The following TDRD15 variants were observed in gnomAD, a reference collection of about 807,000 sequenced individuals.
TDRD15 encodes tudor domain containing 15, also known as tudor domain-containing protein 15.
For missense variants in TDRD15, 1,416 were observed against 904.7 expected (o/e 1.57, Z -7.25); for synonymous variants, 503 against 314.5 (o/e 1.60, Z -6.34).
chr2:21,129,355 T>A (rs1665675978), intron 2 of TDRD15, among the ~76,000 whole-genome samples: 1 of 152,236 alleles, frequency 6.6e-6, no homozygotes, highest in African/African-American at 2.4e-5. Context: ...CTAATTTGTC[T>A]ACATTCTTGC....
Position 21,143,291 on chromosome 2 carries a change from T to C in TDRD15, c.*19T>C. On this transcript the variant is annotated 3_prime_UTR_variant, in exon 4 of 4. Transcript: ENST00000405799. ...AATATAAATTACAAAGTAAGCCTAT[T>C]TTCCCATTGTTAGATCAAAATTGTT... 1 of 535,220 alleles carries C rather than the reference T, an allele frequency of 1.9e-6. No individual in the cohort carries two copies. The highest frequency in any genetic ancestry group is 3.0e-5 in the South Asian group (1 of 33,010). 33.2% of individuals were successfully genotyped at this position (535,220 alleles called of 1,614,324 possible).
chr2:21,142,627 A>C lies in TDRD15; in HGVS notation c.5160A>C (p.Thr1720=), dbSNP rs1197269628. The change falls in exon 4 of 4, where the codon ACA becomes ACC. Residue 1720 remains threonine (T), a synonymous_variant. Coordinates refer to ENST00000405799, the MANE Select transcript of TDRD15 (RefSeq NM_001306137.2). ...IESKTPVSSC[T]IKSFTWVQFQ... is the part of the protein sequence containing the mutation. The stretch of plus-strand genomic sequence containing the variant: ...CTAAGACTCCTGTATCATCATGCAC[A>C]ATAAAATCATTTACTTGGGTTCAAT... 7.0e-6 allele frequency: 5 copies of C among 712,706 alleles called. No homozygotes were observed. In the South Asian group the frequency reaches 7.5e-5, roughly 11 times the overall value. The allele number at this position is 712,706 out of a possible 1,614,324, so 44.1% of individuals were successfully genotyped here.
rs1665893534 is a variant in TDRD15 at position 21,140,225 on chromosome 2, C to T, written c.2758C>T (p.Gln920Ter). Residue 920 changes from glutamine (Q) to a stop codon, truncating the protein, a stop_gained, in exon 4 of 4, where the codon CAG (glutamine) becomes TAG (stop). Coordinates refer to ENST00000405799, the MANE Select transcript of TDRD15 (RefSeq NM_001306137.2). LOFTEE classifies it low-confidence loss of function (END_TRUNC). ...PNHLYNLVDLQSSFTSAKEFL... is the reference protein window; with the variant it reads ...PNHLYNLVDL ...CCATTTATATAACTTAGTGGATTTACAGTCCTCATTTACTAGTGCAAAAGA... is the reference window on the plus strand; with the variant it reads ...CCATTTATATAACTTAGTGGATTTATAGTCCTCATTTACTAGTGCAAAAGA... 1.4e-6 allele frequency: 1 copy of T among 715,250 alleles called. No individual in the cohort carries two copies. The highest frequency in any genetic ancestry group is 1.8e-5 in the African/African-American group (1 of 57,118). The allele number at this position is 715,250 out of a possible 1,614,324, so 44.3% of individuals were successfully genotyped here. A position where few individuals can be genotyped will look rare whatever the true frequency, so the allele number is the denominator to read the frequency against.
At chr2:21,145,651 G>A (rs945559161), downstream of TDRD15, among the ~76,000 whole-genome samples, 9 of 151,842 alleles carry the variant, frequency 5.9e-5, no homozygotes, top group African/African-American at 1.7e-4. Context: ...ATGGTTTCAC[G>A]GATTAGTAAT....
In TDRD15 at chr2:21,142,900, T is replaced by G; in HGVS notation, c.5433T>G (p.Cys1811Trp). The G allele has an allele frequency of 1.4e-6, 1 of 701,012 alleles. No individual in the cohort carries two copies. The highest frequency in any genetic ancestry group is 2.7e-5 in the East Asian group (1 of 37,136). 43.4% of individuals were successfully genotyped at this position (701,012 alleles called of 1,614,324 possible). Residue 1811 changes from cysteine (C) to tryptophan (W), a missense_variant, in exon 4 of 4, where the codon TGT (cysteine) becomes TGG (tryptophan). Coordinates refer to ENST00000405799, the MANE Select transcript of TDRD15 (RefSeq NM_001306137.2). ...EISEVSPQSL[C>W]LVLVDYGFSF... ...CTGAAGTCTCACCTCAGTCTTTATG[T>G]CTTGTGTTGGTTGACTATGGATTTT...
chr2:21,140,358 G>A lies in TDRD15; in HGVS notation c.2891G>A (p.Gly964Glu), dbSNP rs1180177288. 1.4e-6 allele frequency: 1 copy of A among 705,588 alleles called. No homozygotes were observed. The highest frequency in any genetic ancestry group is 2.6e-6 in the Non-Finnish European group (1 of 381,066). The allele number at this position is 705,588 out of a possible 1,614,324, so 43.7% of individuals were successfully genotyped here. ...TATTCTTCCTTTAATATACAAATTG[G>A]AAGTGAAGAAGAAGTATATATATCT... ...YCYSSFNIQI[G>E]SEEEVYISHI... Residue 964 changes from glycine to glutamate, a missense_variant, in exon 4 of 4, where the codon GGA (glycine) becomes GAA (glutamate). Physicochemically the swap from Gly to Glu is moderately conservative, Grantham distance 98. Coordinates refer to ENST00000405799, the MANE Select transcript of TDRD15 (RefSeq NM_001306137.2).
rs1277033338 is a variant in TDRD15, at chr2:21,142,209, G to T, written c.4742G>T (p.Cys1581Phe). The change falls in exon 4 of 4, where the codon TGC (cysteine) becomes TTC (phenylalanine). Residue 1581 changes from cysteine to phenylalanine, a missense_variant. Transcript: ENST00000405799. ...SMESIEKGLE[C>F]LAKSKNTLKW... is the part of the protein sequence containing the mutation. The stretch of plus-strand genomic sequence containing the variant: ...GAAAGTATTGAAAAAGGTTTAGAAT[G>T]CTTGGCAAAATCTAAAAATACCTTG... 2.9e-6 allele frequency: 2 copies of T among 691,410 alleles called. No homozygotes were observed. Among genetic ancestry groups the T allele is most frequent in the Non-Finnish European group, 2.6e-6 (1 of 377,796 alleles). The allele number at this position is 691,410 out of a possible 1,614,324, so 42.8% of individuals were successfully genotyped here.
rs1036490038 is a variant in TDRD15 at position 21,137,865 on chromosome 2, G to A, written c.398G>A (p.Gly133Glu). ...ATTTTTGCGAATATACTACCAGTTG[G>A]GGAAAAATGGTCCCCTAAAGCTTTG... ...FGIFANILPVGEKWSPKALNY... is the reference protein window; with the variant it reads ...FGIFANILPVEEKWSPKALNY... The change falls in exon 4 of 4, where the codon GGG becomes GAG. Residue 133 changes from glycine to glutamate, a missense_variant. Physicochemically the swap from Gly to Glu is moderately conservative, Grantham distance 98. Coordinates refer to ENST00000405799, the MANE Select transcript of TDRD15 (RefSeq NM_001306137.2). 2.8e-6 allele frequency: 2 copies of A among 715,304 alleles called. No homozygotes were observed. The highest frequency in any genetic ancestry group is 5.2e-6 in the Non-Finnish European group (2 of 384,132). 44.3% of individuals were successfully genotyped at this position (715,304 alleles called of 1,614,324 possible). A position where few individuals can be genotyped will look rare whatever the true frequency, so the allele number is the denominator to read the frequency against.
At position 21,142,367 on chromosome 2, in the gene TDRD15, C is replaced by T. The variant is rs774953560; in HGVS notation, c.4900C>T (p.Pro1634Ser). 2 of 695,960 alleles carry T rather than the reference C, an allele frequency of 2.9e-6. No homozygotes were observed. The highest frequency in any genetic ancestry group is 2.7e-5 in the East Asian group (1 of 37,066). The allele number at this position is 695,960 out of a possible 1,614,324, so 43.1% of individuals were successfully genotyped here. Reference protein sequence around the residue: ...KLLSNEIRNIPRQAVPCKWIW... With the variant: ...KLLSNEIRNISRQAVPCKWIW... ...GCTTAGTAATGAAATAAGAAACATT[C>T]CTAGACAAGCTGTACCTTGTAAATG... Residue 1634 changes from proline to serine, a missense_variant, in exon 4 of 4, where the codon CCT becomes TCT. By Grantham distance (74) the Pro-to-Ser change is moderately conservative. Transcript: ENST00000405799.
Position 21,140,233 on chromosome 2 carries a change from A to C in TDRD15, c.2766A>C (p.Ser922=). The C allele has an allele frequency of 1.4e-6, 1 of 715,446 alleles. No individual in the cohort carries two copies. Among genetic ancestry groups the C allele is most frequent in the Non-Finnish European group, 2.6e-6 (1 of 383,806 alleles). 44.3% of individuals were successfully genotyped at this position (715,446 alleles called of 1,614,324 possible). ...HLYNLVDLQS[S]FTSAKEFLMN... Reference sequence around the variant, plus strand: ...ATAACTTAGTGGATTTACAGTCCTCATTTACTAGTGCAAAAGAATTTCTTA... The same window carrying C: ...ATAACTTAGTGGATTTACAGTCCTCCTTTACTAGTGCAAAAGAATTTCTTA... The change falls in exon 4 of 4, where the codon TCA becomes TCC. Residue 922 remains serine, a synonymous_variant. Transcript: ENST00000405799.
At chr2:21,137,214 G>T (rs1270926514) in intron 3 of TDRD15, among the ~76,000 whole-genome samples, 1 of 151,926 alleles carries the variant, frequency 6.6e-6, no homozygotes, top group Non-Finnish European at 1.5e-5. Context: ...TCCAGTGATG[G>T]TATTCTTCCT....
At position 21,141,517 on chromosome 2, in the gene TDRD15, T is replaced by C. The variant is rs1402008990; in HGVS notation, c.4050T>C (p.Val1350=). 2 of 715,052 alleles carry C rather than the reference T, an allele frequency of 2.8e-6. No homozygotes were observed. Among genetic ancestry groups the C allele is most frequent in the Admixed American group, 4.0e-5 (2 of 49,854 alleles). 44.3% of individuals were successfully genotyped at this position (715,052 alleles called of 1,614,324 possible). ...AACCTCTAGTGGGAGATCTTGTAGTTGCAGAATATTCTGGTGACAATGCCA... is the reference window on the plus strand; with the variant it reads ...AACCTCTAGTGGGAGATCTTGTAGTCGCAGAATATTCTGGTGACAATGCCA... ...SVKPLVGDLV[V]AEYSGDNAIY... is the part of the protein sequence containing the mutation. Residue 1350 remains valine, a synonymous_variant, in exon 4 of 4, where the codon GTT becomes GTC. Coordinates refer to ENST00000405799, the MANE Select transcript of TDRD15 (RefSeq NM_001306137.2).
chr2:21,142,655 C>T lies in TDRD15; in HGVS notation c.5188C>T (p.Gln1730Ter). The T allele has an allele frequency of 1.4e-6, 1 of 712,112 alleles. No individual in the cohort carries two copies. Among genetic ancestry groups the T allele is most frequent in the South Asian group, 1.5e-5 (1 of 66,574 alleles). The allele number at this position is 712,112 out of a possible 1,614,324, so 44.1% of individuals were successfully genotyped here. A position where few individuals can be genotyped will look rare whatever the true frequency, so the allele number is the denominator to read the frequency against. The change falls in exon 4 of 4, where the codon CAA becomes TAA. Residue 1730 changes from glutamine (Q) to a stop codon, truncating the protein, a stop_gained. Coordinates refer to ENST00000405799, the MANE Select transcript of TDRD15 (RefSeq NM_001306137.2). LOFTEE classifies it low-confidence loss of function (END_TRUNC). ...AAAATCATTTACTTGGGTTCAATTC[C>T]AAAATGATAGGCAGTATTCTGGTAT... Reference protein sequence around the residue: ...TIKSFTWVQFQNDRQYSGIAT... With the variant: ...TIKSFTWVQF
chr2:21,127,304 A>T (rs375942680), intron 1 of TDRD15, among the ~76,000 whole-genome samples: 3 of 151,998 alleles, frequency 2.0e-5, no homozygotes, highest in African/African-American at 7.3e-5. Context: ...AAAATATTTT[A>T]ATTTTGATAA....
At position 21,139,098 on chromosome 2, in the gene TDRD15, A is replaced by G. The variant is rs1358943612; in HGVS notation, c.1631A>G (p.Lys544Arg). ...PGLFCCARYS[K>R]DRRFYRAVIT... ...TTATTTTGTTGTGCTAGATATAGCA[A>G]GGACAGACGTTTTTACAGAGCTGTC... The change falls in exon 4 of 4, where the codon AAG becomes AGG. Residue 544 changes from lysine to arginine, a missense_variant. By Grantham distance (26) the Lys-to-Arg change is conservative. Transcript: ENST00000405799. The G allele has an allele frequency of 1.4e-6, 1 of 714,680 alleles. No individual in the cohort carries two copies. Among genetic ancestry groups the G allele is most frequent in the Non-Finnish European group, 2.6e-6 (1 of 383,786 alleles). The allele number at this position is 714,680 out of a possible 1,614,324, so 44.3% of individuals were successfully genotyped here. A position where few individuals can be genotyped will look rare whatever the true frequency, so the allele number is the denominator to read the frequency against.
intron 1 of TDRD15, among the ~76,000 whole-genome samples, chr2:21,126,887 A>C (rs1665609358): frequency 6.6e-6 from 1 of 152,216 alleles, no homozygotes. Context: ...ACTTTTAAAG[A>C]AGCTTCCAAA....
chr2:21,138,050 G>C lies in TDRD15; in HGVS notation c.583G>C (p.Glu195Gln), dbSNP rs1360377605. The change falls in exon 4 of 4, where the codon GAA becomes CAA. Residue 195 changes from glutamate (E) to glutamine (Q), a missense_variant. By Grantham distance (29) the Glu-to-Gln change is conservative. Transcript: ENST00000405799. ...TGGAGATTCATTTCGTCTTATTGTGGAAATGTTAGAAGAATTCCCTCAACA... is the reference window on the plus strand; with the variant it reads ...TGGAGATTCATTTCGTCTTATTGTGCAAATGTTAGAAGAATTCCCTCAACA... ...VDGDSFRLIVEMLEEFPQQMP... is the reference protein window; with the variant it reads ...VDGDSFRLIVQMLEEFPQQMP... The C allele has an allele frequency of 2.8e-6, 2 of 716,156 alleles. No individual in the cohort carries two copies. The highest frequency in any genetic ancestry group is 2.0e-5 in the Admixed American group (1 of 49,870). The allele number at this position is 716,156 out of a possible 1,614,324, so 44.4% of individuals were successfully genotyped here. A position where few individuals can be genotyped will look rare whatever the true frequency, so the allele number is the denominator to read the frequency against.
At position 21,137,707 on chromosome 2, in the gene TDRD15, A is replaced by C; in HGVS notation, c.240A>C (p.Arg80Ser). The change falls in exon 4 of 4, where the codon AGA becomes AGC. Residue 80 changes from arginine (R) to serine (S), a missense_variant. Coordinates refer to ENST00000405799, the MANE Select transcript of TDRD15 (RefSeq NM_001306137.2). The part of the protein sequence containing the change: ...ERVSGEWQRG[R>S]VMEKKNELYT... Reference sequence around the variant, plus strand: ...TATCTGGAGAATGGCAGAGAGGAAGAGTCATGGAAAAGAAAAATGAACTCT... The same window carrying C: ...TATCTGGAGAATGGCAGAGAGGAAGCGTCATGGAAAAGAAAAATGAACTCT... 1.4e-6 allele frequency: 1 copy of C among 715,024 alleles called. No individual in the cohort carries two copies. Among genetic ancestry groups the C allele is most frequent in the Non-Finnish European group, 2.6e-6 (1 of 383,854 alleles). 44.3% of individuals were successfully genotyped at this position (715,024 alleles called of 1,614,324 possible).
chr2:21,138,932 G>A lies in TDRD15; in HGVS notation c.1465G>A (p.Ala489Thr), dbSNP rs1665865938. The A allele has an allele frequency of 1.4e-6, 1 of 714,894 alleles. No individual in the cohort carries two copies. Among genetic ancestry groups the A allele is most frequent in the South Asian group, 1.5e-5 (1 of 67,344 alleles). The allele number at this position is 714,894 out of a possible 1,614,324, so 44.3% of individuals were successfully genotyped here. A position where few individuals can be genotyped will look rare whatever the true frequency, so the allele number is the denominator to read the frequency against. Residue 489 changes from alanine (A) to threonine (T), a missense_variant, in exon 4 of 4, where the codon GCA becomes ACA. By Grantham distance (58) the Ala-to-Thr change is moderately conservative (BLOSUM62 0). Transcript: ENST00000405799. The part of the protein sequence containing the change: ...EIEAAYIAFI[A>T]YVLNPSNFWV... ...AGAGGCTGCCTACATAGCTTTTATA[G>A]CATATGTATTAAACCCATCAAATTT...
Sources: allele counts gnomAD v4.1 joint callset (sites outside exome capture counted in the v4.1 genomes callset), GRCh38; gene constraint gnomAD v4.1.1; transcripts MANE v1.5; gene names NCBI Gene and HGNC (gene_info 2026-07-23, HGNC 2026-07-21).